ACAD11: variants seen among roughly 807,000 people sequenced by gnomAD.
ACAD11 encodes the protein acyl-CoA dehydrogenase family member 11.
Under a neutral mutation model 102.2 loss-of-function variants are expected in ACAD11, and 83 were observed. The observed-to-expected ratio is 0.81, with a 90% CI of 0.68 to 0.97. The LOEUF (loss-of-function observed/expected upper bound fraction) is 0.97. Among genes scored for constraint, ACAD11 ranks in the 50% least tolerant of loss-of-function variants. The probability of loss-of-function intolerance (pLI) is 0.00; values close to 1 mark genes in which losing one functional copy is unlikely to be tolerated. For missense variants in ACAD11, 901 were observed against 951.7 expected, an observed-to-expected ratio of 0.95 and a Z score of 0.70; for synonymous variants, 324 against 319.8, an observed-to-expected ratio of 1.01 and a Z score of -0.14.
chr3:132,586,088 A>G (rs1324443067), intron 13 of ACAD11, among the ~76,000 whole-genome samples: 1 of 152,174 alleles, frequency 6.6e-6, no homozygotes, highest in Non-Finnish European at 1.5e-5. Flanking sequence ...CTTGGAACCA[A>G]CCCAAATGTC....
intron 13 of ACAD11, among the ~76,000 whole-genome samples, chr3:132,591,841 G>A (rs58614702): frequency 0.051 from 7,712 of 152,222 alleles, 668 homozygotes; most frequent in African/African-American, 0.17. Context: ...GCAGTGAGCC[G>A]TGATCATGCC....
At position 132,578,270 on chromosome 3, in the gene ACAD11, T is replaced by C. The variant is rs141761695; in HGVS notation, c.1774+526A>G. On this transcript the variant is annotated intron_variant, in intron 15 of 19. Coordinates refer to ENST00000264990, the MANE Select transcript of ACAD11 (RefSeq NM_032169.5). ...AGAGGGTGATCTTAGCAAATATTTATTGTACACAATGAACACGTGCCACAG... is the reference window on the plus strand; with the variant it reads ...AGAGGGTGATCTTAGCAAATATTTACTGTACACAATGAACACGTGCCACAG... 6.8e-4 allele frequency among the ~76,000 whole-genome samples: 104 copies of C among 152,274 alleles called. 1 individual carries two copies. Among genetic ancestry groups the C allele is most frequent in the African/African-American group, 1.9e-3 (81 of 41,556 alleles).
chr3:132,634,382 C>A (rs1213783762), intron 5 of ACAD11, among the ~76,000 whole-genome samples: 2 of 151,668 alleles, frequency 1.3e-5, no homozygotes, highest in Non-Finnish European at 2.9e-5. Flanking sequence ...GTTAGAATGG[C>A]GATCATTAAA....
At chr3:132,606,479 C>T (rs1388163653) in intron 11 of ACAD11, among the ~76,000 whole-genome samples, 1 of 152,092 alleles carries the variant, frequency 6.6e-6, no homozygotes, top group East Asian at 1.9e-4. Flanking sequence ...TTCCGAAAAG[C>T]TCACAAAGTT....
rs139382183 is a variant in ACAD11, at chr3:132,603,898, T to C, written c.1523-571A>G. On this transcript the variant is annotated intron_variant, in intron 12 of 19. Coordinates refer to ENST00000264990, the MANE Select transcript of ACAD11 (RefSeq NM_032169.5). ...ACTGTCTAGCTCTCAATCATAGCAA[T>C]CTGCACTTGCTAATATGACACCCCT... Among the ~76,000 whole-genome samples, 594 of 152,334 alleles carry C rather than the reference T, an allele frequency of 3.9e-3. 6 individuals are homozygous for C. The highest frequency in any genetic ancestry group is 0.013 in the African/African-American group (532 of 41,576).
chr3:132,658,112 C>T (rs1175228520), intron 1 of ACAD11, among the ~76,000 whole-genome samples: 3 of 152,126 alleles, frequency 2.0e-5, no homozygotes, highest in African/African-American at 7.2e-5. Flanking sequence ...ATCCACGTGC[C>T]TCGGCCTCCC....
At chr3:132,635,005 G>A (rs554447088) in intron 5 of ACAD11, among the ~76,000 whole-genome samples, 2 of 150,628 alleles carry the variant, frequency 1.3e-5, no homozygotes, top group East Asian at 1.9e-4. Context: ...GTATACATAC[G>A]TAACAAACCT....
At chr3:132,565,729 AG>A (rs796396536) in intron 17 of ACAD11, among the ~76,000 whole-genome samples, 5 of 152,314 alleles carry the variant, frequency 3.3e-5, no homozygotes, top group African/African-American at 1.2e-4. Context: ...CCTTCTCTTC[AG>A]TAATGAGTTC....
intron 1 of ACAD11, among the ~76,000 whole-genome samples, chr3:132,645,333 A>T (rs925737266): frequency 6.6e-6 from 1 of 152,242 alleles, no homozygotes; most frequent in African/African-American, 2.4e-5. Flanking sequence ...GATAACCCTC[A>T]TAAGTGTCAA....
chr3:132,580,764 G>C (rs1937585976), intron 13 of ACAD11, among the ~76,000 whole-genome samples: 1 of 151,852 alleles, frequency 6.6e-6, no homozygotes, highest in Non-Finnish European at 1.5e-5. Context: ...GAAGAAGATG[G>C]GCAGAAGTTA....
At chr3:132,654,322 G>A (rs374185325) in intron 1 of ACAD11, 11 of 152,140 alleles carry the variant, frequency 7.2e-5, no homozygotes, top group African/African-American at 2.4e-4. Flanking sequence ...AGCCTATTAT[G>A]CACTGATATA....
At chr3:132,630,273 A>G (rs1576605077) in intron 7 of ACAD11, among the ~76,000 whole-genome samples, 164 bp downstream of exon 7, 1 of 152,180 alleles carries the variant, frequency 6.6e-6, no homozygotes, top group African/African-American at 2.4e-5. Flanking sequence ...CCAAATTCCT[A>G]TTCTGTAAAT....
Position 132,642,087 on chromosome 3 carries a change from T to C in ACAD11, c.422A>G (p.Glu141Gly), listed in dbSNP as rs575587604. 8.7e-6 allele frequency: 14 copies of C among 1,613,988 alleles called. No individual in the cohort carries two copies. Among genetic ancestry groups the C allele is most frequent in the Non-Finnish European group, 1.2e-5 (14 of 1,179,984 alleles). ...CGTGGCCACATATATGGCTGAACGT[T>C]CTGCTGGGCTAAGTCCAGGAATTGT... Reference protein sequence around the residue: ...DLTIPGLSPAERSAIYVATVE... With the variant: ...DLTIPGLSPAGRSAIYVATVE... Residue 141 changes from glutamate (E) to glycine (G), a missense_variant, in exon 4 of 20, where the codon GAA becomes GGA. Coordinates refer to ENST00000264990, the MANE Select transcript of ACAD11 (RefSeq NM_032169.5).
At chr3:132,648,419 A>T (rs1940797972) in intron 1 of ACAD11, 1 of 152,222 alleles carries the variant, frequency 6.6e-6, no homozygotes, top group African/African-American at 2.4e-5. Context: ...AAAGATTTTT[A>T]ACCCTTTATT....
At chr3:132,576,589 T>C (rs963284804) in intron 16 of ACAD11, among the ~76,000 whole-genome samples, 3 of 152,196 alleles carry the variant, frequency 2.0e-5, no homozygotes, top group Non-Finnish European at 4.4e-5. Context: ...TTATATAATT[T>C]TCATATTATC....
chr3:132,647,090 A>T (rs934228484), intron 1 of ACAD11: 3 of 152,236 alleles, frequency 2.0e-5, no homozygotes. Flanking sequence ...GTTACGTTAC[A>T]TGAATTTCTC....
chr3:132,581,051 C>G (rs1447893772), intron 13 of ACAD11, among the ~76,000 whole-genome samples: 1 of 151,816 alleles, frequency 6.6e-6, no homozygotes, highest in Admixed American at 6.6e-5. Context: ...ATTGAAAAAG[C>G]CATTGACTAG....
intron 11 of ACAD11, among the ~76,000 whole-genome samples, chr3:132,615,689 TA>T (rs564167968): frequency 2.4e-4 from 36 of 152,026 alleles, no homozygotes; most frequent in Non-Finnish European, 4.9e-4. Context: ...GGTGAGGGGT[TA>T]GGGGAGAGAT....
At chr3:132,610,815 T>C (rs1939101524) in intron 11 of ACAD11, among the ~76,000 whole-genome samples, 2 of 152,180 alleles carry the variant, frequency 1.3e-5, no homozygotes, top group Non-Finnish European at 2.9e-5. Flanking sequence ...CTGGTACCAT[T>C]CCTTCTGAAA....
Sources: allele counts gnomAD v4.1 joint callset (sites outside exome capture counted in the v4.1 genomes callset), GRCh38; gene constraint gnomAD v4.1.1; transcripts MANE v1.5; gene names NCBI Gene and HGNC (gene_info 2026-07-23, HGNC 2026-07-21).